The following WWOX variants were observed in gnomAD, a reference collection of about 807,000 sequenced individuals.
The protein encoded by WWOX is WW domain containing oxidoreductase, also known as WW domain-containing oxidoreductase.
WWOX carries 69 observed loss-of-function variants against 46.2 expected under a neutral mutation model. The ratio of observed to expected loss-of-function variants is 1.49; its 90% CI spans 1.23 to 1.82. The LOEUF is 1.82. Ranked by LOEUF, WWOX falls within the 40% of genes most tolerant of loss-of-function variation. The probability of loss-of-function intolerance (pLI) is 0.00; values close to 1 mark genes in which losing one functional copy is unlikely to be tolerated. For synonymous variants in WWOX, 359 were observed against 202.6 expected (o/e 1.77, Z -6.56); for missense variants, 919 against 542.6 (o/e 1.69, Z -6.89).
chr16:78,180,946 G>A (rs2035513988), intron 5 of WWOX, among the ~76,000 whole-genome samples: 1 of 151,880 alleles, frequency 6.6e-6, no homozygotes, highest in Admixed American at 6.6e-5. Context: ...CTGAGATGAT[G>A]GTAGGGTTTT....
At chr16:78,174,856 C>T (rs2035280607) in intron 5 of WWOX, among the ~76,000 whole-genome samples, 1 of 152,080 alleles carries the variant, frequency 6.6e-6, no homozygotes, top group Non-Finnish European at 1.5e-5. Flanking sequence ...GGTGTGGCGG[C>T]ATGCGCCTTT....
intron 8 of WWOX, among the ~76,000 whole-genome samples, chr16:78,948,353 C>T (rs1295406475): frequency 1.3e-5 from 2 of 152,300 alleles, no homozygotes; most frequent in East Asian, 3.9e-4. Context: ...GAGCGTCTTC[C>T]TGATGTTGCA....
chr16:78,462,213 C>G (rs1054305628), intron 8 of WWOX, among the ~76,000 whole-genome samples: 1 of 152,032 alleles, frequency 6.6e-6, no homozygotes, highest in East Asian at 1.9e-4. Flanking sequence ...CAGCGATGAT[C>G]CTAAATATCT....
At chr16:78,988,297 TC>T (rs2046819757) in intron 8 of WWOX, among the ~76,000 whole-genome samples, 1 of 149,328 alleles carries the variant, frequency 6.7e-6, no homozygotes, top group Admixed American at 6.7e-5. Flanking sequence ...TGAGCCAAGA[TC>T]ACGCTATTGC....
intron 8 of WWOX, among the ~76,000 whole-genome samples, chr16:79,056,271 A>G (rs1567519205): frequency 6.6e-6 from 1 of 152,050 alleles, no homozygotes; most frequent in Non-Finnish European, 1.5e-5. Context: ...ACCCCAGAAC[A>G]CTTAAACTTT....
intron 8 of WWOX, among the ~76,000 whole-genome samples, chr16:79,061,409 C>T (rs2048355269): frequency 6.6e-6 from 1 of 152,202 alleles, no homozygotes; most frequent in Non-Finnish European, 1.5e-5. Context: ...GGAATGTGTG[C>T]AGTGAGTGTG....
chr16:78,731,093 G>A (rs189562672), intron 8 of WWOX, among the ~76,000 whole-genome samples: 1 of 152,268 alleles, frequency 6.6e-6, no homozygotes, highest in Admixed American at 6.5e-5. Context: ...TCATGGGTGG[G>A]AAATTGCTTG....
intron 5 of WWOX, among the ~76,000 whole-genome samples, chr16:78,221,003 T>A (rs2036869032): frequency 6.6e-6 from 1 of 152,220 alleles, no homozygotes; most frequent in Non-Finnish European, 1.5e-5. Flanking sequence ...ATTTTAAAAT[T>A]TCATTTTCTC....
intron 8 of WWOX, among the ~76,000 whole-genome samples, chr16:78,802,190 T>A (rs549898339): frequency 6.7e-6 from 1 of 150,156 alleles, no homozygotes; most frequent in Non-Finnish European, 1.5e-5. Flanking sequence ...GTTTTATATT[T>A]TGTTTGTTTA....
At position 78,755,150 on chromosome 16, in the gene WWOX, GCA is replaced by G. The variant is rs1344808553; in HGVS notation, c.1056+322401_1056+322402del. On this transcript the variant is annotated intron_variant, in intron 8 of 8. Transcript: ENST00000566780. ...TTGATAGGTGCAGCAAACCACCATG[GCA>G]CATGTACACCTATGTAACAAGGCTG... 9.9e-5 allele frequency among the ~76,000 whole-genome samples: 15 copies of G among 151,310 alleles called. No homozygotes were observed. In the East Asian group the frequency reaches 2.7e-3, roughly 27 times the overall value.
At chr16:79,047,373 G>C (rs2048084826) in intron 8 of WWOX, among the ~76,000 whole-genome samples, 1 of 152,162 alleles carries the variant, frequency 6.6e-6, no homozygotes, top group Non-Finnish European at 1.5e-5. Flanking sequence ...AATTTGACAA[G>C]GCCAGAAATA....
At chr16:78,517,520 A>G (rs1162648616) in intron 8 of WWOX, among the ~76,000 whole-genome samples, 1 of 152,176 alleles carries the variant, frequency 6.6e-6, no homozygotes, top group African/African-American at 2.4e-5. Context: ...TGTCTACTGA[A>G]TTATGTGGGA....
chr16:78,363,225 C>T (rs903096463), intron 5 of WWOX, among the ~76,000 whole-genome samples: 3 of 151,444 alleles, frequency 2.0e-5, no homozygotes, highest in Admixed American at 1.3e-4. Flanking sequence ...CTGTCAATTC[C>T]ATATATTTTT....
At chr16:78,539,643 G>GT (rs1316849052) in intron 8 of WWOX, among the ~76,000 whole-genome samples, 1 of 152,234 alleles carries the variant, frequency 6.6e-6, no homozygotes, top group Non-Finnish European at 1.5e-5. Context: ...ACATATGTGT[G>GT]TGTGCAAATT....
chr16:79,091,779 G>GTTTT (rs11329411), intron 8 of WWOX, among the ~76,000 whole-genome samples: 62 of 109,134 alleles, frequency 5.7e-4, no homozygotes, highest in East Asian at 1.1e-3. Flanking sequence ...TCTTTTCTTT[G>GTTTT]TTTTTTTTTT....
intron 5 of WWOX, among the ~76,000 whole-genome samples, chr16:78,323,022 A>T (rs772226398): frequency 2.1e-4 from 32 of 152,272 alleles, no homozygotes; most frequent in Admixed American, 3.9e-4. Flanking sequence ...AGCCTGGGTG[A>T]CAGAATGAGA....
intron 8 of WWOX, among the ~76,000 whole-genome samples, chr16:78,543,401 C>T (rs12925567): frequency 0.057 from 8,615 of 152,294 alleles, 312 homozygotes; most frequent in Middle Eastern, 0.12. Flanking sequence ...GATGCCCTTT[C>T]ACATACAGCG....
intron 8 of WWOX, among the ~76,000 whole-genome samples, chr16:78,803,709 C>G (rs993219111): frequency 6.6e-6 from 1 of 152,154 alleles, no homozygotes; most frequent in Admixed American, 6.5e-5. Context: ...TCTTCCCACC[C>G]TGGCCTCCCA....
chr16:78,964,960 C>T (rs1368820634), intron 8 of WWOX, among the ~76,000 whole-genome samples: 1 of 152,190 alleles, frequency 6.6e-6, no homozygotes, highest in Non-Finnish European at 1.5e-5. Flanking sequence ...TGTGGGGGCA[C>T]AGAAGTCAAG....
Sources: gnomAD v4.1 joint callset for allele counts (sites outside exome capture counted in the v4.1 genomes callset) on GRCh38, gnomAD v4.1.1 for gene constraint, MANE v1.5 for transcripts, NCBI Gene and HGNC (gene_info 2026-07-23, HGNC 2026-07-21) for gene names.